The following GALNT17 variants were observed in gnomAD, a reference collection of about 807,000 sequenced individuals.
GALNT17 encodes the protein polypeptide N-acetylgalactosaminyltransferase 17, also known as UDP-GalNAc:polypeptide N-acetylgalactosaminyltransferase-like 3.
In GALNT17, 29 loss-of-function variants were observed where a neutral mutation model predicts 63.7. That is an observed-to-expected ratio of 0.46 (90% CI 0.34 to 0.62). The LOEUF is 0.62. Among genes scored for constraint, GALNT17 ranks in the 20% least tolerant of loss-of-function variants. The pLI is 0.01. For missense variants in GALNT17, 603 were observed against 799.6 expected, an observed-to-expected ratio of 0.75 and a Z score of 2.97; for synonymous variants, 305 against 318.3, an observed-to-expected ratio of 0.96 and a Z score of 0.45.
chr7:71,427,327 A>C (rs1786778176), intron 5 of GALNT17, among the ~76,000 whole-genome samples: 1 of 151,658 alleles, frequency 6.6e-6, no homozygotes. Context: ...CAATCTCCTG[A>C]CCTCGTGATC....
chr7:71,192,930 C>A (rs1446356664), intron 1 of GALNT17, among the ~76,000 whole-genome samples: 1 of 152,006 alleles, frequency 6.6e-6, no homozygotes, highest in East Asian at 1.9e-4. Context: ...TCTGCGGTAC[C>A]TGGAGAGGTG....
chr7:71,429,334 T>C (rs1786818286), intron 5 of GALNT17, among the ~76,000 whole-genome samples: 1 of 152,082 alleles, frequency 6.6e-6, no homozygotes, highest in African/African-American at 2.4e-5. Flanking sequence ...AAGGGAAAGG[T>C]CATGCTGTCT....
chr7:71,368,664 A>G lies in GALNT17; in HGVS notation c.423-19571A>G, dbSNP rs531674050. 4.6e-5 allele frequency among the ~76,000 whole-genome samples: 7 copies of G among 152,318 alleles called. No homozygotes were observed. In the South Asian group the frequency reaches 8.3e-4, roughly 18 times the overall value. ...TTCTTAAGGAGCTGTGAGCTTTTCC[A>G]GAATAACAGTGAGATTTTAGAAATT... On this transcript the variant is annotated intron_variant, in intron 2 of 10. Transcript: ENST00000333538.
rs78324426 is a variant in GALNT17, at chr7:71,232,768, G to A, written c.238+99728G>A. ...CTTTTAATTACACGCAAATTAAGGG[G>A]TGGGTTATGCAGAAATTTCTAGATG... On this transcript the variant is annotated intron_variant, in intron 1 of 10. Transcript: ENST00000333538. Among the ~76,000 whole-genome samples, 796 of 152,238 alleles carry A rather than the reference G, an allele frequency of 5.2e-3. 9 individuals are homozygous for A. Among genetic ancestry groups the A allele is most frequent in the African/African-American group, 0.018 (765 of 41,534 alleles).
chr7:71,164,277 C>T (rs865923261), intron 1 of GALNT17, among the ~76,000 whole-genome samples: 28 of 152,270 alleles, frequency 1.8e-4, no homozygotes, highest in Admixed American at 8.5e-4. Flanking sequence ...CCTCAGGAAA[C>T]TTACATTCAT....
intron 1 of GALNT17, among the ~76,000 whole-genome samples, chr7:71,273,776 T>G (rs1303009149): frequency 1.3e-5 from 2 of 152,188 alleles, no homozygotes; most frequent in East Asian, 3.9e-4. Context: ...ATGAAAAGTT[T>G]GACTTTTAAC....
intron 1 of GALNT17, among the ~76,000 whole-genome samples, chr7:71,269,010 G>A (rs1790539659): frequency 6.6e-6 from 1 of 152,200 alleles, no homozygotes; most frequent in African/African-American, 2.4e-5. Flanking sequence ...TTCAATAAAA[G>A]TCCCTAGAGG....
intron 5 of GALNT17, among the ~76,000 whole-genome samples, chr7:71,567,164 T>C (rs558348260): frequency 1.1e-3 from 162 of 152,294 alleles, no homozygotes; most frequent in African/African-American, 3.7e-3. Flanking sequence ...GCTCATTTGA[T>C]GCTTTTCCAG....
intron 2 of GALNT17, among the ~76,000 whole-genome samples, chr7:71,378,988 C>A (rs1180291562): frequency 6.6e-6 from 1 of 152,056 alleles, no homozygotes; most frequent in Non-Finnish European, 1.5e-5. Flanking sequence ...GGCGACAGAG[C>A]AAAACCCTAT....
intron 6 of GALNT17, among the ~76,000 whole-genome samples, chr7:71,617,733 C>G (rs1010623670): frequency 1.3e-5 from 2 of 152,026 alleles, no homozygotes; most frequent in South Asian, 2.1e-4. Context: ...ACCTCCACCT[C>G]CCTGGTTCAA....
intron 6 of GALNT17, among the ~76,000 whole-genome samples, chr7:71,617,706 G>T (rs1458192015): frequency 6.7e-6 from 1 of 150,108 alleles, no homozygotes; most frequent in Non-Finnish European, 1.5e-5. Context: ...GCTGTGGCGC[G>T]ATCTCGGCTC....
At chr7:71,476,078 T>C (rs1787718244) in intron 5 of GALNT17, among the ~76,000 whole-genome samples, 1 of 152,194 alleles carries the variant, frequency 6.6e-6, no homozygotes, top group South Asian at 2.1e-4. Flanking sequence ...CTTGATGGGT[T>C]GTTTTGAGTG....
chr7:71,292,305 C>T (rs1032987917), intron 1 of GALNT17, among the ~76,000 whole-genome samples: 1 of 152,132 alleles, frequency 6.6e-6, no homozygotes, highest in East Asian at 1.9e-4. Flanking sequence ...GGACAGACAT[C>T]AGGCACACCT....
At chr7:71,169,830 A>T (rs1788512136) in intron 1 of GALNT17, among the ~76,000 whole-genome samples, 1 of 152,076 alleles carries the variant, frequency 6.6e-6, no homozygotes, top group Non-Finnish European at 1.5e-5. Context: ...TGCTGAGATT[A>T]CAGGCATGAG....
At chr7:71,441,108 C>T (rs1271671585) in intron 5 of GALNT17, among the ~76,000 whole-genome samples, 8 of 151,864 alleles carry the variant, frequency 5.3e-5, no homozygotes, top group Non-Finnish European at 1.0e-4. Flanking sequence ...CTGCAACCTC[C>T]GCCTCCTGGG....
intron 1 of GALNT17, among the ~76,000 whole-genome samples, chr7:71,245,380 C>G (rs984959398): frequency 1.3e-5 from 2 of 152,200 alleles, no homozygotes; most frequent in African/African-American, 2.4e-5. Context: ...TTTGTGCTGC[C>G]TGTCATCCAC....
chr7:71,280,340 A>G (rs1026056961), intron 1 of GALNT17, among the ~76,000 whole-genome samples: 6 of 152,196 alleles, frequency 3.9e-5, no homozygotes, highest in African/African-American at 1.4e-4. Flanking sequence ...TGAGGCTTCA[A>G]GAAGTGCTAA....
At chr7:71,467,778 CAAAA>C (rs146413785) in intron 5 of GALNT17, among the ~76,000 whole-genome samples, 1 of 151,646 alleles carries the variant, frequency 6.6e-6, no homozygotes, top group Non-Finnish European at 1.5e-5. Flanking sequence ...AAAAAACAAA[CAAAA>C]AAACCCTCAA....
chr7:71,435,478 C>A (rs1477492755), intron 5 of GALNT17, among the ~76,000 whole-genome samples: 2 of 152,168 alleles, frequency 1.3e-5, no homozygotes, highest in East Asian at 3.9e-4. Flanking sequence ...CAGCTGGAGG[C>A]TACAAGCTTC....
Sources: allele counts gnomAD v4.1 joint callset (sites outside exome capture counted in the v4.1 genomes callset), GRCh38; gene constraint gnomAD v4.1.1; transcripts MANE v1.5; gene names NCBI Gene and HGNC (gene_info 2026-07-23, HGNC 2026-07-21).